The following FAM181A variants were observed in gnomAD, a reference collection of about 807,000 sequenced individuals.
The protein encoded by FAM181A is protein FAM181A.
In FAM181A, 7 loss-of-function variants were observed where a neutral mutation model predicts 16.3. The ratio of observed to expected loss-of-function variants is 0.43; its 90% CI spans 0.24 to 0.81. The LOEUF (loss-of-function observed/expected upper bound fraction) is 0.81, where lower values mean the gene tolerates loss of function less well. Among genes scored for constraint, FAM181A ranks in the 30% least tolerant of loss-of-function variants. The probability of loss-of-function intolerance (pLI) is 0.24; values close to 1 mark genes in which losing one functional copy is unlikely to be tolerated. For missense variants in FAM181A, 349 were observed against 377.5 expected (o/e 0.92, Z 0.63); for synonymous variants, 183 against 164.9 (o/e 1.11, Z -0.84).
intron 1 of FAM181A, chr14:93,922,043 C>T (rs1344414040): frequency 2.6e-5 from 4 of 152,208 alleles, no homozygotes; most frequent in African/African-American, 7.2e-5. Context: ...AGAGCTCCCT[C>T]CCAGGTGCTT....
chr14:93,926,378 C>T (rs1382037977), upstream of FAM181A: 2 of 152,110 alleles, frequency 1.3e-5, no homozygotes, highest in Non-Finnish European at 2.9e-5. This position sits in a 1 kb window ranked among gnomAD's most constrained non-coding sequence, Gnocchi z 5.2. Flanking sequence ...GGCACGGTGA[C>T]AGTAGCCAAG....
In FAM181A at chr14:93,928,858, G is replaced by A; in HGVS notation, c.573G>A (p.Leu191=). 1 of 1,614,096 alleles carries A rather than the reference G, an allele frequency of 6.2e-7. No homozygotes were observed. Among genetic ancestry groups the A allele is most frequent in the Non-Finnish European group, 8.5e-7 (1 of 1,179,968 alleles). ...TTLVSMSPRA[L]AEKEPLKMPG... ...TGGTGTCCATGTCTCCAAGGGCCCT[G>A]GCTGAAAAGGAGCCGCTCAAGATGC... Residue 191 remains leucine (L), a synonymous_variant, in exon 2 of 2, where the codon CTG becomes CTA. Transcript: ENST00000556222.
rs1888064749 is a variant in FAM181A, at chr14:93,929,297, A to G, written c.*133A>G. On this transcript the variant is annotated 3_prime_UTR_variant, in exon 2 of 2. Coordinates refer to ENST00000556222, the MANE Select transcript of FAM181A (RefSeq NM_001207073.2). ...TTGTGTGCGCATGGGAGTGGAGGGCAGGATTGGGGCAGGGCTCCTCAGGCA... is the reference window on the plus strand; with the variant it reads ...TTGTGTGCGCATGGGAGTGGAGGGCGGGATTGGGGCAGGGCTCCTCAGGCA... The G allele has an allele frequency of 8.0e-7, 1 of 1,245,976 alleles. No individual in the cohort carries two copies. Among genetic ancestry groups the G allele is most frequent in the Admixed American group, 2.8e-5 (1 of 36,234 alleles). The allele number at this position is 1,245,976 out of a possible 1,614,324, so 77.2% of individuals were successfully genotyped here.
chr14:93,919,714 A>T (rs1446310393), intron 1 of FAM181A, among the ~76,000 whole-genome samples: 3 of 152,240 alleles, frequency 2.0e-5, no homozygotes, highest in African/African-American at 7.2e-5. Context: ...AAAGTCCCAC[A>T]TAGGTCTTTC....
rs555599221 is a variant in FAM181A at position 93,920,918 on chromosome 14, C to T, written c.-225+1924C>T. On this transcript the variant is annotated intron_variant, in intron 1 of 2. Coordinates refer to the FAM181A transcript ENST00000267594. Reference sequence around the variant, plus strand: ...GAGTCCTCAGACTCACCAGCTCTAACCCCACTCATTCATATCCCTTTCAAG... The same window carrying T: ...GAGTCCTCAGACTCACCAGCTCTAATCCCACTCATTCATATCCCTTTCAAG... 3.3e-5 allele frequency among the ~76,000 whole-genome samples: 5 copies of T among 152,294 alleles called. No individual in the cohort carries two copies. The South Asian group carries it at 8.3e-4, about 25-fold the overall frequency.
At chr14:93,923,874 T>C (rs969959113), upstream of FAM181A, 1 of 152,238 alleles carries the variant, frequency 6.6e-6, no homozygotes, top group African/African-American at 2.4e-5. Context: ...GACAATTCGT[T>C]GTCATGTAAG....
At position 93,928,325 on chromosome 14, in the gene FAM181A, G is replaced by A. The variant is rs1217566029; in HGVS notation, c.40G>A (p.Val14Met). ...DSDVKMLLNF[V>M]NLASSDIKAA... is the part of the protein sequence containing the mutation. ...TGATGTGAAGATGCTGCTGAACTTC[G>A]TGAACCTGGCGTCCAGCGACATCAA... The change falls in exon 2 of 2, where the codon GTG (valine) becomes ATG (methionine). Residue 14 changes from valine (V) to methionine (M), a missense_variant. By Grantham distance (21) the Val-to-Met change is conservative. Transcript: ENST00000556222. 2.5e-6 allele frequency: 4 copies of A among 1,613,858 alleles called. No homozygotes were observed. The highest frequency in any genetic ancestry group is 1.7e-5 in the Admixed American group (1 of 60,034).
In FAM181A at chr14:93,928,403, T is replaced by C. The variant is rs772531874; in HGVS notation, c.118T>C (p.Tyr40His). Residue 40 changes from tyrosine to histidine, a missense_variant, in exon 2 of 2, where the codon TAC (tyrosine) becomes CAC (histidine). Transcript: ENST00000556222. ...CCGCCGCTCCGTGGACCATCGCAAG[T>C]ACCTGCAGAAGCAGCTCAAGCGCTT... ...PCRRSVDHRK[Y>H]LQKQLKRFSQ... 1 of 1,613,922 alleles carries C rather than the reference T, an allele frequency of 6.2e-7. No homozygotes were observed. Among genetic ancestry groups the C allele is most frequent in the South Asian group, 1.1e-5 (1 of 91,084 alleles).
chr14:93,927,657 C>T (rs1887963275), intron 1 of FAM181A: 1 of 1,273,080 alleles, frequency 7.9e-7, no homozygotes. Flanking sequence ...AGACAGGGGT[C>T]CTGCCTGGTC....
In FAM181A at chr14:93,928,884, C is replaced by G. The variant is rs1015509370; in HGVS notation, c.599C>G (p.Pro200Arg). The change falls in exon 2 of 2, where the codon CCT becomes CGT. Residue 200 changes from proline (P) to arginine (R), a missense_variant. Pro to Arg is a moderately radical substitution (Grantham distance 103). Coordinates refer to ENST00000556222, the MANE Select transcript of FAM181A (RefSeq NM_001207073.2). ...GCTGAAAAGGAGCCGCTCAAGATGCCTGGGGTCTCCTTGGTGGGCCGCGTC... is the reference window on the plus strand; with the variant it reads ...GCTGAAAAGGAGCCGCTCAAGATGCGTGGGGTCTCCTTGGTGGGCCGCGTC... ...ALAEKEPLKMPGVSLVGRVNA... is the reference protein window; with the variant it reads ...ALAEKEPLKMRGVSLVGRVNA... 1 of 1,614,170 alleles carries G rather than the reference C, an allele frequency of 6.2e-7. No homozygotes were observed. The highest frequency in any genetic ancestry group is 1.3e-5 in the African/African-American group (1 of 75,042).
At chr14:93,927,762 C>T in intron 1 of FAM181A, 1 of 750,286 alleles carries the variant, frequency 1.3e-6, no homozygotes, top group Non-Finnish European at 1.8e-6. Context: ...GAGGCTACCA[C>T]CAGGGAGGAA....
At chr14:93,923,952 T>C (rs1052504008), upstream of FAM181A, 2 of 152,216 alleles carry the variant, frequency 1.3e-5, no homozygotes, top group African/African-American at 4.8e-5. Context: ...TCACAGGAGA[T>C]ACAGAGACAG....
upstream of FAM181A, chr14:93,925,132 C>T: frequency 1.4e-6 from 1 of 720,148 alleles, no homozygotes; most frequent in South Asian, 1.8e-5. Context: ...GTCCACGGGC[C>T]TGGTGGGGAG....
chr14:93,925,931 G>C (rs370341124), upstream of FAM181A, among the ~76,000 whole-genome samples: 242 of 152,096 alleles, frequency 1.6e-3, no homozygotes, highest in African/African-American at 5.3e-3. Flanking sequence ...GAAGGAGCAG[G>C]GCCATCACTT....
In FAM181A at chr14:93,928,959, C is replaced by T. The variant is rs201388455; in HGVS notation, c.674C>T (p.Pro225Leu). 49 of 1,613,914 alleles carry T rather than the reference C, an allele frequency of 3.0e-5. No homozygotes were observed. The highest frequency in any genetic ancestry group is 1.1e-4 in the East Asian group (5 of 44,872). The part of the protein sequence containing the change: ...PFQYHGQPIY[P>L]GPLGALPQSP... Reference sequence around the variant, plus strand: ...CAGTACCATGGACAGCCCATCTATCCGGGCCCCCTGGGGGCACTGCCTCAG... The same window carrying T: ...CAGTACCATGGACAGCCCATCTATCTGGGCCCCCTGGGGGCACTGCCTCAG... The change falls in exon 2 of 2, where the codon CCG (proline) becomes CTG (leucine). Residue 225 changes from proline (P) to leucine (L), a missense_variant. Pro to Leu is a moderately conservative substitution (Grantham distance 98). Coordinates refer to ENST00000556222, the MANE Select transcript of FAM181A (RefSeq NM_001207073.2).
intron 1 of FAM181A, among the ~76,000 whole-genome samples, chr14:93,920,626 T>C (rs529076078): frequency 6.6e-6 from 1 of 152,164 alleles, no homozygotes; most frequent in South Asian, 2.1e-4. Flanking sequence ...TCTGACAAAA[T>C]TTAACATCCA....
chr14:93,927,382 C>T lies in FAM181A; in HGVS notation c.-160C>T, dbSNP rs1316718768. The T allele has an allele frequency of 3.5e-6, 4 of 1,138,104 alleles. No individual in the cohort carries two copies. Among genetic ancestry groups the T allele is most frequent in the South Asian group, 1.8e-5 (1 of 56,086 alleles). The allele number at this position is 1,138,104 out of a possible 1,614,324, so 70.5% of individuals were successfully genotyped here. A position where few individuals can be genotyped will look rare whatever the true frequency, so the allele number is the denominator to read the frequency against. On this transcript the variant is annotated 5_prime_UTR_variant, in exon 1 of 2. Transcript: ENST00000556222. ...CAGCCGGACGGAGCTCGGCCGGCTGCGCCGGGGCCTGTCCCAGGTCTGCAG... is the reference window on the plus strand; with the variant it reads ...CAGCCGGACGGAGCTCGGCCGGCTGTGCCGGGGCCTGTCCCAGGTCTGCAG...
In FAM181A at chr14:93,927,366, G is replaced by T; in HGVS notation, c.-176G>T. 8.9e-7 allele frequency: 1 copy of T among 1,126,612 alleles called. No individual in the cohort carries two copies. The highest frequency in any genetic ancestry group is 1.9e-5 in the South Asian group (1 of 53,716). 69.8% of individuals were successfully genotyped at this position (1,126,612 alleles called of 1,614,324 possible). A position where few individuals can be genotyped will look rare whatever the true frequency, so the allele number is the denominator to read the frequency against. On this transcript the variant is annotated 5_prime_UTR_variant, in exon 1 of 2. Coordinates refer to ENST00000556222, the MANE Select transcript of FAM181A (RefSeq NM_001207073.2). ...GTTGCACAACTGCTTCCAGCCGGACGGAGCTCGGCCGGCTGCGCCGGGGCC... is the reference window on the plus strand; with the variant it reads ...GTTGCACAACTGCTTCCAGCCGGACTGAGCTCGGCCGGCTGCGCCGGGGCC...
At chr14:93,921,318 CT>C (rs2141250778) in intron 1 of FAM181A, among the ~76,000 whole-genome samples, 1 of 152,352 alleles carries the variant, frequency 6.6e-6, no homozygotes, top group South Asian at 2.1e-4. Flanking sequence ...GTCTCTGTCA[CT>C]GGAGGTGGAC....
Sources: allele counts gnomAD v4.1 joint callset (sites outside exome capture counted in the v4.1 genomes callset), GRCh38; gene constraint gnomAD v4.1.1; non-coding constraint Gnocchi (gnomAD v3.1); transcripts MANE v1.5; gene names NCBI Gene and HGNC (gene_info 2026-07-23, HGNC 2026-07-21).